MDGA2: variants seen among roughly 807,000 people sequenced by gnomAD.
The protein encoded by MDGA2 is MAM domain containing glycosylphosphatidylinositol anchor 2, also known as MAM domain-containing glycosylphosphatidylinositol anchor protein 2.
A neutral mutation model predicts 117.8 loss-of-function variants in MDGA2; 40 were observed. That is an observed-to-expected ratio of 0.34 (90% CI 0.26 to 0.44). MDGA2 has a LOEUF of 0.44. Among genes scored for constraint, MDGA2 ranks in the 20% least tolerant of loss-of-function variants. The pLI is 1.00. For synonymous variants in MDGA2, 452 were observed against 439.0 expected (o/e 1.03, Z -0.37); for missense variants, 1,123 against 1,250.6 (o/e 0.90, Z 1.54).
At chr14:47,162,554 T>C (rs1388371894) in intron 3 of MDGA2, among the ~76,000 whole-genome samples, 1 of 151,646 alleles carries the variant, frequency 6.6e-6, no homozygotes, top group East Asian at 1.9e-4. Flanking sequence ...TCGGATTTCA[T>C]ATCTTTTTGT....
chr14:47,458,182 T>C lies in MDGA2; in HGVS notation c.281-156632A>G, dbSNP rs571696219. Among the ~76,000 whole-genome samples the C allele has an allele frequency of 7.2e-5, 11 of 152,294 alleles. No homozygotes were observed. The South Asian group carries it at 2.1e-3, about 29-fold the overall frequency. ...ACACGTGTTTCTTATATATAGGATA[T>C]GAATTCTTTATCAGACATATGGTTT... is the stretch of plus-strand genomic sequence containing the variant. On this transcript the variant is annotated intron_variant, in intron 1 of 16. Transcript: ENST00000399232.
At chr14:47,453,084 T>C (rs1398231083) in intron 1 of MDGA2, among the ~76,000 whole-genome samples, 5 of 152,056 alleles carry the variant, frequency 3.3e-5, no homozygotes, top group African/African-American at 9.7e-5. Flanking sequence ...TCTAATAAAG[T>C]TTAAAGTATT....
chr14:47,073,797 T>G lies in MDGA2; in HGVS notation c.1196-12219A>C, dbSNP rs189231467. Among the ~76,000 whole-genome samples the G allele has an allele frequency of 3.2e-4, 49 of 152,310 alleles. 1 individual carries two copies. The highest frequency in any genetic ancestry group is 1.2e-3 in the Admixed American group (18 of 15,306). On this transcript the variant is annotated intron_variant, in intron 6 of 16. Coordinates refer to ENST00000399232, the MANE Select transcript of MDGA2 (RefSeq NM_001113498.3). ...TGGGTACTGGAATAGGAATTCGTAC[T>G]GTGCCAACTTTTGGTTTTAGCTTAG...
intron 8 of MDGA2, among the ~76,000 whole-genome samples, chr14:46,987,406 C>T (rs1886900482): frequency 6.6e-6 from 1 of 152,098 alleles, no homozygotes; most frequent in African/African-American, 2.4e-5. Flanking sequence ...TTGTTATTCA[C>T]TATTTATTCA....
At chr14:47,597,191 C>T (rs1025275211) in intron 1 of MDGA2, among the ~76,000 whole-genome samples, 10 of 151,812 alleles carry the variant, frequency 6.6e-5, no homozygotes, top group African/African-American at 1.2e-4. Flanking sequence ...TCTGGGTAAT[C>T]GGTTTAAAAA....
intron 1 of MDGA2, among the ~76,000 whole-genome samples, chr14:47,385,634 T>A (rs10151311): frequency 6.6e-6 from 1 of 151,942 alleles, no homozygotes; most frequent in Admixed American, 6.6e-5. Flanking sequence ...GCATCAATGA[T>A]CCCTCTTTCC....
chr14:47,073,813 T>TTTAGC (rs1890384353), intron 6 of MDGA2, among the ~76,000 whole-genome samples: 1 of 152,170 alleles, frequency 6.6e-6, no homozygotes, highest in Admixed American at 6.5e-5. Flanking sequence ...AACTTTTGGT[T>TTTAGC]TTAGCTTAGC....
intron 9 of MDGA2, among the ~76,000 whole-genome samples, chr14:46,930,986 G>A (rs1461564750): frequency 2.0e-5 from 3 of 152,038 alleles, no homozygotes; most frequent in Non-Finnish European, 4.4e-5. Context: ...GGAGGCCGAG[G>A]CGGGCGGATC....
intron 2 of MDGA2, among the ~76,000 whole-genome samples, chr14:47,239,437 G>C (rs936866575): frequency 6.6e-6 from 1 of 151,694 alleles, no homozygotes; most frequent in Non-Finnish European, 1.5e-5. Flanking sequence ...GAGAAAATCA[G>C]CCTTCTCAAA....
chr14:46,959,564 A>G (rs774966832), intron 8 of MDGA2, among the ~76,000 whole-genome samples: 19 of 151,684 alleles, frequency 1.3e-4, no homozygotes, highest in African/African-American at 4.4e-4. Flanking sequence ...CACTTTATTC[A>G]TTGACATTTA....
chr14:47,096,835 A>G lies in MDGA2; in HGVS notation c.1195+19T>C. The G allele has an allele frequency of 6.2e-7, 1 of 1,609,986 alleles. No homozygotes were observed. Among genetic ancestry groups the G allele is most frequent in the Non-Finnish European group, 8.5e-7 (1 of 1,176,874 alleles). ...CTAACCTAGGAATCTACGTTGTAAC[A>G]TTCTTTCAGCAAACTTACCTCTCAC... is the stretch of plus-strand genomic sequence containing the variant. On this transcript the variant is annotated intron_variant, in intron 6 of 16. Coordinates refer to ENST00000399232, the MANE Select transcript of MDGA2 (RefSeq NM_001113498.3).
At chr14:47,380,294 C>T (rs866678477) in intron 1 of MDGA2, among the ~76,000 whole-genome samples, 9 of 152,260 alleles carry the variant, frequency 5.9e-5, no homozygotes, top group Middle Eastern at 3.4e-3. Context: ...GACACCCTAA[C>T]ATCACAATTA....
At chr14:47,213,699 G>A (rs1165588636) in intron 3 of MDGA2, among the ~76,000 whole-genome samples, 1 of 152,010 alleles carries the variant, frequency 6.6e-6, no homozygotes, top group Non-Finnish European at 1.5e-5. Flanking sequence ...TATATTCTCT[G>A]AAAGTCCCTT....
chr14:47,528,022 A>G (rs1895008369), intron 1 of MDGA2, among the ~76,000 whole-genome samples: 1 of 152,228 alleles, frequency 6.6e-6, no homozygotes, highest in African/African-American at 2.4e-5. Context: ...AGCTAACAAA[A>G]TAAGACTCCT....
At chr14:47,450,329 C>A (rs373686836) in intron 1 of MDGA2, among the ~76,000 whole-genome samples, 1 of 151,768 alleles carries the variant, frequency 6.6e-6, no homozygotes, top group Admixed American at 6.6e-5. Context: ...AAAATAGTAT[C>A]CCCCAAGGCA....
intron 1 of MDGA2, among the ~76,000 whole-genome samples, chr14:47,426,165 T>G (rs1237673781): frequency 6.6e-6 from 1 of 152,138 alleles, no homozygotes; most frequent in Non-Finnish European, 1.5e-5. Flanking sequence ...TTCTGTATAC[T>G]TCACAAAGTA....
intron 1 of MDGA2, among the ~76,000 whole-genome samples, chr14:47,546,137 G>A (rs1895458331): frequency 6.6e-6 from 1 of 152,122 alleles, no homozygotes; most frequent in African/African-American, 2.4e-5. Context: ...CAGAAGAAGA[G>A]AAGTTACAGA....
chr14:47,526,336 T>C (rs575026686), intron 1 of MDGA2, among the ~76,000 whole-genome samples: 2 of 152,222 alleles, frequency 1.3e-5, no homozygotes, highest in East Asian at 1.9e-4. Flanking sequence ...TTTCTCCAAA[T>C]AGAATTTTAT....
intron 1 of MDGA2, among the ~76,000 whole-genome samples, chr14:47,487,753 T>A (rs753342676): frequency 6.6e-6 from 1 of 152,200 alleles, no homozygotes; most frequent in African/African-American, 2.4e-5. Flanking sequence ...TACCTCCTTG[T>A]TGTTTAATAA....
Sources: allele counts gnomAD v4.1 joint callset (sites outside exome capture counted in the v4.1 genomes callset), GRCh38; gene constraint gnomAD v4.1.1; transcripts MANE v1.5; gene names NCBI Gene and HGNC (gene_info 2026-07-23, HGNC 2026-07-21).